Variants in TXNDC15 observed in about 807,000 individuals in gnomAD.
TXNDC15 encodes thioredoxin domain containing 15, also known as thioredoxin domain-containing protein 15.
TXNDC15 carries 24 observed loss-of-function variants against 35.0 expected under a neutral mutation model. That is an observed-to-expected ratio of 0.68 (90% CI 0.50 to 0.96). The LOEUF is 0.96. TXNDC15 is among the 40% of genes least tolerant of loss of function. The pLI is 0.00. For missense variants in TXNDC15, 385 were observed against 453.3 expected, an observed-to-expected ratio of 0.85 and a Z score of 1.37; for synonymous variants, 169 against 174.0, an observed-to-expected ratio of 0.97 and a Z score of 0.23.
intron 1 of TXNDC15, among the ~76,000 whole-genome samples, chr5:134,875,557 G>C (rs1750017781): frequency 6.6e-6 from 1 of 152,098 alleles, no homozygotes; most frequent in African/African-American, 2.4e-5. Flanking sequence ...GAGTGCAGTG[G>C]CCCATCATGG....
intron 3 of TXNDC15, 135 bp downstream of exon 3, chr5:134,893,790 G>C (rs1413073554): frequency 3.4e-6 from 4 of 1,172,094 alleles, no homozygotes; most frequent in Non-Finnish European, 4.9e-6. Context: ...CAAGGCAAGA[G>C]TGAATAGTGA....
chr5:134,874,235 C>G (rs1215614877), upstream of TXNDC15: 1 of 559,272 alleles, frequency 1.8e-6, no homozygotes, highest in Admixed American at 3.5e-5. Flanking sequence ...CTAAAGAGGT[C>G]TCCAGTCCAG....
chr5:134,879,108 A>G (rs1055252527), intron 1 of TXNDC15, among the ~76,000 whole-genome samples: 2 of 152,192 alleles, frequency 1.3e-5, no homozygotes, highest in African/African-American at 4.8e-5. Flanking sequence ...TTTCTTCCTA[A>G]TTCCTAAATG....
chr5:134,899,476 A>T lies in TXNDC15; in HGVS notation c.887-13A>T, dbSNP rs1750558343. ...TTTTCTGCCTGATTTGAAACCAGTG[A>T]TTTTTCTTTCAGGTATAGAAGCCAA... On this transcript the variant is annotated splice_polypyrimidine_tract_variant and intron_variant, in intron 4 of 4. Transcript: ENST00000358387. The T allele has an allele frequency of 2.5e-6, 4 of 1,603,944 alleles. No individual in the cohort carries two copies. The highest frequency in any genetic ancestry group is 3.4e-6 in the Non-Finnish European group (4 of 1,177,932).
At chr5:134,883,068 T>G (rs984757018) in intron 1 of TXNDC15, among the ~76,000 whole-genome samples, 2 of 151,740 alleles carry the variant, frequency 1.3e-5, no homozygotes, top group Non-Finnish European at 2.9e-5. Flanking sequence ...GCGGGCAGAT[T>G]ACTTGAGGCC....
At chr5:134,895,615 G>GT (rs1303348241) in intron 3 of TXNDC15, among the ~76,000 whole-genome samples, 1 of 152,120 alleles carries the variant, frequency 6.6e-6, no homozygotes, top group Admixed American at 6.6e-5. Flanking sequence ...AAAAATCCTG[G>GT]TTATACACTA....
intron 1 of TXNDC15, 25 bp downstream of exon 1, chr5:134,874,555 A>G: frequency 1.3e-6 from 2 of 1,569,544 alleles, no homozygotes; most frequent in Admixed American, 3.4e-5. Context: ...GGGGCGGTGC[A>G]TGAGATGATG....
chr5:134,877,384 G>A (rs777056014), intron 1 of TXNDC15, among the ~76,000 whole-genome samples: 16 of 152,200 alleles, frequency 1.1e-4, no homozygotes, highest in Admixed American at 3.3e-4. Flanking sequence ...CACTGAAAGA[G>A]TTTTAGCAGG....
At chr5:134,882,719 AATC>A (rs1561897680) in intron 1 of TXNDC15, among the ~76,000 whole-genome samples, 3 of 152,128 alleles carry the variant, frequency 2.0e-5, no homozygotes, top group Non-Finnish European at 2.9e-5. Context: ...GCGCGCCTGC[AATC>A]GCAGGCACTC....
chr5:134,876,372 A>G (rs1335702966), intron 1 of TXNDC15, among the ~76,000 whole-genome samples: 1 of 152,200 alleles, frequency 6.6e-6, no homozygotes. Flanking sequence ...CCCGGTGGAA[A>G]GCATTGAATT....
At position 134,896,510 on chromosome 5, in the gene TXNDC15, T is replaced by C. The variant is rs1357114050; in HGVS notation, c.886+86T>C. ...GTGGGTTCTGATCTGCTATAATCCT[T>C]AAGTGAAGGATTCAAGACTGACTTT... On this transcript the variant is annotated intron_variant, in intron 4 of 4. Transcript: ENST00000358387. 4 of 1,532,768 alleles carry C rather than the reference T, an allele frequency of 2.6e-6. No homozygotes were observed. In the African/African-American group the frequency reaches 4.2e-5, roughly 16 times the overall value. 94.9% of individuals were successfully genotyped at this position (1,532,768 alleles called of 1,614,324 possible). A position where few individuals can be genotyped will look rare whatever the true frequency, so the allele number is the denominator to read the frequency against.
At chr5:134,884,888 T>C (rs1293930072) in intron 1 of TXNDC15, among the ~76,000 whole-genome samples, 1 of 151,922 alleles carries the variant, frequency 6.6e-6, no homozygotes, top group South Asian at 2.1e-4. Context: ...TTTACTTTGT[T>C]GAATGCTGGA....
chr5:134,877,172 G>A (rs532467241), intron 1 of TXNDC15, among the ~76,000 whole-genome samples: 2 of 152,284 alleles, frequency 1.3e-5, no homozygotes, highest in Non-Finnish European at 2.9e-5. Flanking sequence ...TGAATGAGGA[G>A]GATGAAGGAT....
At chr5:134,884,155 G>A (rs1291983012) in intron 1 of TXNDC15, among the ~76,000 whole-genome samples, 1 of 150,586 alleles carries the variant, frequency 6.6e-6, no homozygotes, top group Admixed American at 6.6e-5. Context: ...GGGAGGTGGA[G>A]GCTGCAGTGA....
At chr5:134,894,358 ATTTTTTTTTTCTT>A (rs1207391697) in intron 3 of TXNDC15, among the ~76,000 whole-genome samples, 1 of 131,950 alleles carries the variant, frequency 7.6e-6, no homozygotes, top group Non-Finnish European at 1.6e-5. Context: ...CAGGCTGGTC[ATTTTTTTTTTCTT>A]TTTTTTTTTT....
In TXNDC15 at chr5:134,900,189, AAG is replaced by A. The variant is rs1750571029; in HGVS notation, c.*507_*508del. 6.6e-6 allele frequency: 1 copy of A among 152,266 alleles called. No individual in the cohort carries two copies. Among genetic ancestry groups the A allele is most frequent in the Admixed American group, 6.5e-5 (1 of 15,278 alleles). The allele number at this position is 152,266 out of a possible 1,614,324, so 9.4% of individuals were successfully genotyped here. ...CCTCAAGTAGCAAGTGATGGAAAAT[AAG>A]AGTCAAATACCTTGATGTTTGTGAT... On this transcript the variant is annotated 3_prime_UTR_variant, in exon 5 of 5. Transcript: ENST00000358387.
In TXNDC15 at chr5:134,900,803, T is replaced by A. The variant is rs1750585879; in HGVS notation, c.*1118T>A. 1 of 152,280 alleles carries A rather than the reference T, an allele frequency of 6.6e-6. No individual in the cohort carries two copies. The highest frequency in any genetic ancestry group is 2.1e-4 in the South Asian group (1 of 4,830). 9.4% of individuals were successfully genotyped at this position (152,280 alleles called of 1,614,324 possible). On this transcript the variant is annotated 3_prime_UTR_variant, in exon 5 of 5. Coordinates refer to ENST00000358387, the MANE Select transcript of TXNDC15 (RefSeq NM_024715.4). ...TAATTTAAACAAACTTTTTTTTTTT[T>A]TTTAGACAAAGTCTCACTCTGTCAC...
In TXNDC15 at chr5:134,874,540, G is replaced by A. The variant is rs1441084236; in HGVS notation, c.103+10G>A. 2 of 1,592,244 alleles carry A rather than the reference G, an allele frequency of 1.3e-6. No homozygotes were observed. The highest frequency in any genetic ancestry group is 1.1e-5 in the South Asian group (1 of 90,006). On this transcript the variant is annotated intron_variant, in intron 1 of 4. Transcript: ENST00000358387. ...GTCCGCGGCGTGGAGGGTGAGTGTG[G>A]GCCGGGGGCGGTGCATGAGATGATG...
rs550674197 is a variant in TXNDC15, at chr5:134,897,657, G to C, written c.886+1233G>C. 1.1e-4 allele frequency among the ~76,000 whole-genome samples: 16 copies of C among 152,306 alleles called. No homozygotes were observed. In the South Asian group the frequency reaches 3.3e-3, roughly 32 times the overall value. ...TCACTTAATATTTACACAAAGATAT[G>C]CATAAGTCATGAGTGTACAGGGTGA... On this transcript the variant is annotated intron_variant, in intron 4 of 4. Coordinates refer to ENST00000358387, the MANE Select transcript of TXNDC15 (RefSeq NM_024715.4).
Sources: allele counts gnomAD v4.1 joint callset (sites outside exome capture counted in the v4.1 genomes callset), GRCh38; gene constraint gnomAD v4.1.1; transcripts MANE v1.5; gene names NCBI Gene and HGNC (gene_info 2026-07-23, HGNC 2026-07-21).